ZNF138: variants seen among roughly 807,000 people sequenced by gnomAD.
ZNF138 encodes zinc finger protein 138.
A neutral mutation model predicts 33.0 loss-of-function variants in ZNF138; 33 were observed. The ratio of observed to expected loss-of-function variants is 1.00; its 90% CI spans 0.76 to 1.34. The LOEUF (loss-of-function observed/expected upper bound fraction) is 1.34. ZNF138 is among the 40% of genes most tolerant of loss of function. The probability of loss-of-function intolerance (pLI) is 0.00; values close to 1 mark genes in which losing one functional copy is unlikely to be tolerated. For synonymous variants in ZNF138, 139 were observed against 120.4 expected, an observed-to-expected ratio of 1.15 and a Z score of -1.01; for missense variants, 360 against 370.8, an observed-to-expected ratio of 0.97 and a Z score of 0.24.
At chr7:64,828,535 A>G (rs1465466526) in intron 3 of ZNF138, among the ~76,000 whole-genome samples, 2 of 152,136 alleles carry the variant, frequency 1.3e-5, no homozygotes, top group Non-Finnish European at 2.9e-5. Flanking sequence ...ATTTTAAATT[A>G]TATTTACTGA....
rs888492267 is a variant in ZNF138 at position 64,831,944 on chromosome 7, A to G, written c.702A>G (p.Gln234=). The G allele has an allele frequency of 6.2e-7, 1 of 1,613,196 alleles. No individual in the cohort carries two copies. Among genetic ancestry groups the G allele is most frequent in the African/African-American group, 1.3e-5 (1 of 74,936 alleles). Residue 234 remains glutamine, a synonymous_variant, in exon 4 of 4, where the codon CAA becomes CAG. Coordinates refer to ENST00000307355, the MANE Select transcript of ZNF138 (RefSeq NM_001271639.2). ...AAGTATGTGGAAAAGCCTTTCACCA[A>G]TCCTCAATCCTTACTAAACATAAGA... ...KCEVCGKAFH[Q]SSILTKHKII...
At chr7:64,852,815 G>T in the ZNF138 span, 1 of 844,142 alleles carries the variant, frequency 1.2e-6, no homozygotes, top group African/African-American at 1.7e-5. Flanking sequence ...AAATTCACTG[G>T]GCTGACAGAC....
chr7:64,854,897 C>G, the ZNF138 span, among the ~76,000 whole-genome samples: 1 of 152,012 alleles, frequency 6.6e-6, no homozygotes, highest in Non-Finnish European at 1.5e-5. Context: ...CATTGCTTTT[C>G]TCTGATTTAA....
the ZNF138 span, chr7:64,852,805 A>C: frequency 1.2e-6 from 1 of 846,630 alleles, no homozygotes; most frequent in East Asian, 2.4e-5. Flanking sequence ...CTGGCATGAT[A>C]AATTCACTGG....
downstream of ZNF138, chr7:64,835,778 G>A (rs1460166351): frequency 1.3e-5 from 2 of 152,236 alleles, no homozygotes; most frequent in African/African-American, 2.4e-5. Context: ...AACTGCAGGC[G>A]AGTAGACAGA....
At chr7:64,826,805 A>T (rs1789654095) in intron 3 of ZNF138, among the ~76,000 whole-genome samples, 1 of 151,506 alleles carries the variant, frequency 6.6e-6, no homozygotes. Context: ...ACACACCATA[A>T]TTGCCAGCTA....
In ZNF138 at chr7:64,833,075, A is replaced by G; in HGVS notation, c.*873A>G. On this transcript the variant is annotated 3_prime_UTR_variant, in exon 4 of 4. Coordinates refer to ENST00000307355, the MANE Select transcript of ZNF138 (RefSeq NM_001271639.2). ...CTATACATAAGATAATTTATACTGG[A>G]GCAAAACCTTGGAAATTCAAAGAAT... 3.3e-6 allele frequency: 1 copy of G among 300,710 alleles called. No individual in the cohort carries two copies. The highest frequency in any genetic ancestry group is 6.8e-6 in the Non-Finnish European group (1 of 146,872). The allele number at this position is 300,710 out of a possible 1,614,324, so 18.6% of individuals were successfully genotyped here.
At chr7:64,821,577 C>G (rs556460977) in intron 3 of ZNF138, among the ~76,000 whole-genome samples, 1 of 151,542 alleles carries the variant, frequency 6.6e-6, no homozygotes, top group South Asian at 2.1e-4. Flanking sequence ...GACACAGTCT[C>G]ACTTTGTTGC....
chr7:64,852,765 A>G, the ZNF138 span: 1 of 866,746 alleles, frequency 1.2e-6, no homozygotes, highest in South Asian at 1.3e-5. Flanking sequence ...GGTTTTGTCA[A>G]CACCAGCACA....
chr7:64,808,354 A>T (rs1280145845), intron 1 of ZNF138, among the ~76,000 whole-genome samples: 1 of 151,980 alleles, frequency 6.6e-6, no homozygotes, highest in Admixed American at 6.5e-5. Context: ...TGCATTTCCT[A>T]TGGCCATTAG....
chr7:64,838,245 C>T (rs1001807347), downstream of ZNF138, among the ~76,000 whole-genome samples: 7 of 152,316 alleles, frequency 4.6e-5, no homozygotes, highest in Middle Eastern at 3.4e-3. Context: ...AGCGGCCGCT[C>T]CGAGGCCGGG....
At chr7:64,840,635 C>T in the ZNF138 span, among the ~76,000 whole-genome samples, 1 of 152,130 alleles carries the variant, frequency 6.6e-6, no homozygotes, top group East Asian at 1.9e-4. Context: ...CTACTGACTA[C>T]AGGGTCATTT....
chr7:64,800,889 A>G (rs1423123747), intron 1 of ZNF138, among the ~76,000 whole-genome samples: 2 of 152,008 alleles, frequency 1.3e-5, no homozygotes, highest in Admixed American at 6.5e-5. Flanking sequence ...CAGAGATTCA[A>G]TTTCTTTTTT....
chr7:64,806,591 T>A (rs1363403809), intron 1 of ZNF138, among the ~76,000 whole-genome samples: 3 of 93,012 alleles, frequency 3.2e-5, no homozygotes, highest in Admixed American at 1.1e-4. Flanking sequence ...CAAACAAACA[T>A]TTATTTGAGA....
At chr7:64,795,408 T>C (rs1413210002) in intron 1 of ZNF138, among the ~76,000 whole-genome samples, 1 of 152,156 alleles carries the variant, frequency 6.6e-6, no homozygotes, top group African/African-American at 2.4e-5. Context: ...CCCCTCCCCA[T>C]TTCCCATTCC....
intron 3 of ZNF138, among the ~76,000 whole-genome samples, chr7:64,821,067 T>G (rs1323958432): frequency 2.0e-5 from 3 of 150,408 alleles, no homozygotes; most frequent in Non-Finnish European, 4.4e-5. Flanking sequence ...GTTTTTTTGT[T>G]TTGTTTTGTT....
chr7:64,844,484 C>T, the ZNF138 span, among the ~76,000 whole-genome samples: 11 of 152,008 alleles, frequency 7.2e-5, no homozygotes, highest in African/African-American at 9.7e-5. Flanking sequence ...GGTCTGGAGT[C>T]GATCTCTGAA....
chr7:64,840,557 T>C, the ZNF138 span, among the ~76,000 whole-genome samples: 326 of 152,338 alleles, frequency 2.1e-3, 1 homozygote, highest in East Asian at 0.035. Context: ...CCATCAACTC[T>C]AGCATTTATC....
At chr7:64,816,560 A>G (rs1788653988) in intron 3 of ZNF138, among the ~76,000 whole-genome samples, 1 of 152,154 alleles carries the variant, frequency 6.6e-6, no homozygotes, top group Non-Finnish European at 1.5e-5. Flanking sequence ...TTTACTGAGT[A>G]TATTTATCAG....
Sources: gnomAD v4.1 joint callset for allele counts (sites outside exome capture counted in the v4.1 genomes callset) on GRCh38, gnomAD v4.1.1 for gene constraint, MANE v1.5 for transcripts, NCBI Gene and HGNC (gene_info 2026-07-23, HGNC 2026-07-21) for gene names.